Variants in GLI3 observed in about 807,000 individuals in gnomAD.
GLI3 encodes transcription activator GLI3.
In GLI3, 20 loss-of-function variants were observed where a neutral mutation model predicts 100.8. The observed-to-expected ratio is 0.20, with a 90% CI of 0.14 to 0.29. The LOEUF (loss-of-function observed/expected upper bound fraction) is 0.29, where lower values mean the gene tolerates loss of function less well. Ranked by LOEUF, GLI3 falls within the 10% of genes least tolerant of loss-of-function variation. The pLI, the probability that GLI3 is intolerant of heterozygous loss-of-function variation, is 1.00. For missense variants in GLI3, 2,040 were observed against 2,128.5 expected, an observed-to-expected ratio of 0.96 and a Z score of 0.82; for synonymous variants, 938 against 860.5, an observed-to-expected ratio of 1.09 and a Z score of -1.58.
At chr7:42,084,901 C>CTTTTTTTTTTT (rs747166719) in intron 3 of GLI3, among the ~76,000 whole-genome samples, 31 of 47,514 alleles carry the variant, frequency 6.5e-4, no homozygotes, top group Non-Finnish European at 7.7e-4. Flanking sequence ...CATTTGGATT[C>CTTTTTTTTTTT]TTTTTTTTTT....
At chr7:42,035,625 T>C (rs751527577) in intron 7 of GLI3, among the ~76,000 whole-genome samples, 3 of 152,236 alleles carry the variant, frequency 2.0e-5, no homozygotes, top group Non-Finnish European at 4.4e-5. Context: ...TGATACCCAG[T>C]GGGTTAGAAA....
chr7:42,115,456 G>A (rs549688841), intron 3 of GLI3, among the ~76,000 whole-genome samples: 9 of 152,094 alleles, frequency 5.9e-5, no homozygotes, highest in East Asian at 1.9e-4. Flanking sequence ...CTACATTTTC[G>A]GAAACTTCAA....
chr7:42,215,781 A>G (rs1788364422), intron 2 of GLI3, among the ~76,000 whole-genome samples: 2 of 152,212 alleles, frequency 1.3e-5, no homozygotes, highest in East Asian at 3.9e-4. Flanking sequence ...TTTCAGGACC[A>G]GTGATTTAAG....
chr7:42,113,744 C>T (rs6463090), intron 3 of GLI3: 68,437 of 576,702 alleles, frequency 0.12, 6,827 homozygotes, highest in African/African-American at 0.41. Context: ...TGTTAGCACA[C>T]AGAACACTTC....
intron 2 of GLI3, among the ~76,000 whole-genome samples, chr7:42,161,603 C>T (rs1472740672): frequency 6.6e-6 from 1 of 152,154 alleles, no homozygotes; most frequent in Non-Finnish European, 1.5e-5. Flanking sequence ...AGGCAGACAG[C>T]AATATCATCC....
intron 2 of GLI3, among the ~76,000 whole-genome samples, chr7:42,196,576 A>T (rs1373129743): frequency 2.6e-5 from 4 of 152,222 alleles, no homozygotes; most frequent in African/African-American, 9.6e-5. Flanking sequence ...ATAGATTTTT[A>T]AAGAGGTCAC....
chr7:41,969,000 C>A (rs955442531), intron 13 of GLI3, among the ~76,000 whole-genome samples: 2 of 152,208 alleles, frequency 1.3e-5, no homozygotes, highest in African/African-American at 4.8e-5. Flanking sequence ...ACTGCCTCCT[C>A]TCGCTCCCAG....
chr7:42,059,184 T>C (rs1719252959), intron 4 of GLI3, among the ~76,000 whole-genome samples: 1 of 152,174 alleles, frequency 6.6e-6, no homozygotes, highest in African/African-American at 2.4e-5. Context: ...TTAAATAACA[T>C]ATGTTTTAAA....
chr7:41,974,881 A>G (rs1426999402), intron 12 of GLI3, among the ~76,000 whole-genome samples: 1 of 152,242 alleles, frequency 6.6e-6, no homozygotes, highest in African/African-American at 2.4e-5. Context: ...TCATGCACCT[A>G]AGCATGGCAG....
rs1432655421 is a variant in GLI3, at chr7:41,972,992, T to C, written c.1813-365A>G. ...ATGATGATGATGATGACGATGACTA[T>C]GAAGATGGCTTAAAAGACACCCATC... On this transcript the variant is annotated intron_variant, in intron 12 of 14. Coordinates refer to ENST00000395925, the MANE Select transcript of GLI3 (RefSeq NM_000168.6). This position sits in a 1 kb window ranked among gnomAD's most constrained non-coding sequence, Gnocchi z 4.4. 6.6e-6 allele frequency among the ~76,000 whole-genome samples: 1 copy of C among 152,156 alleles called. No homozygotes were observed. Among genetic ancestry groups the C allele is most frequent in the Non-Finnish European group, 1.5e-5 (1 of 68,036 alleles).
At chr7:42,224,852 T>C (rs573971805) in intron 1 of GLI3, among the ~76,000 whole-genome samples, 35 of 152,242 alleles carry the variant, frequency 2.3e-4, no homozygotes, top group Non-Finnish European at 4.1e-4. Context: ...CTCAGTGATC[T>C]CATCTGTCAA....
rs373499688 is a variant in GLI3 at position 42,205,196 on chromosome 7, C to A, written c.124+17934G>T. ...TATAAGAATCCACCTCATACATACG[C>A]ATCCTAGCAACATACCATGTACGGA... is the stretch of plus-strand genomic sequence containing the variant. On this transcript the variant is annotated intron_variant, in intron 2 of 14. Coordinates refer to ENST00000395925, the MANE Select transcript of GLI3 (RefSeq NM_000168.6). 3.3e-5 allele frequency among the ~76,000 whole-genome samples: 5 copies of A among 152,300 alleles called. No homozygotes were observed. In the East Asian group the frequency reaches 9.6e-4, roughly 29 times the overall value.
intron 2 of GLI3, among the ~76,000 whole-genome samples, chr7:42,189,009 G>T (rs973234087): frequency 3.9e-5 from 6 of 152,058 alleles, no homozygotes; most frequent in Non-Finnish European, 7.4e-5. Flanking sequence ...GTGATAATGC[G>T]ATGTCCATGT....
rs1477326185 is a variant in GLI3, at chr7:41,962,812, A to G, written c.*1518T>C. ...TTGAATTATCAATCACTTGCAGTAA[A>G]TCCAATTCCAGGGGTCAATGGGACA... On this transcript the variant is annotated 3_prime_UTR_variant, in exon 15 of 15. Transcript: ENST00000395925. 6.6e-6 allele frequency: 1 copy of G among 152,208 alleles called. No individual in the cohort carries two copies. Among genetic ancestry groups the G allele is most frequent in the African/African-American group, 2.4e-5 (1 of 41,456 alleles). The allele number at this position is 152,208 out of a possible 1,614,324, so 9.4% of individuals were successfully genotyped here. A position where few individuals can be genotyped will look rare whatever the true frequency, so the allele number is the denominator to read the frequency against.
rs113493574 is a variant in GLI3, at chr7:42,169,186, C to G, written c.125-20718G>C. On this transcript the variant is annotated intron_variant, in intron 2 of 14. Coordinates refer to ENST00000395925, the MANE Select transcript of GLI3 (RefSeq NM_000168.6). The stretch of plus-strand genomic sequence containing the variant: ...TCTGCTTCAGATCTGTCTCTGTGCA[C>G]CCATTCACAAGCACCATTATTTTTC... Among the ~76,000 whole-genome samples the G allele has an allele frequency of 9.1e-4, 138 of 152,244 alleles. 2 individuals are homozygous for G. The highest frequency in any genetic ancestry group is 3.2e-3 in the African/African-American group (134 of 41,540).
chr7:42,026,459 C>T (rs767297010), intron 7 of GLI3, 47 bp from the exon 8 acceptor site: 1 of 1,378,388 alleles, frequency 7.3e-7, no homozygotes, highest in Admixed American at 1.7e-5. Flanking sequence ...AAACGCTGAG[C>T]TCAGACAAGT....
chr7:42,125,326 CA>C (rs1786099139), intron 3 of GLI3, among the ~76,000 whole-genome samples: 2 of 152,160 alleles, frequency 1.3e-5, no homozygotes, highest in Admixed American at 1.3e-4. Flanking sequence ...CCTCAAGGAG[CA>C]CTGTAATGAG....
chr7:42,066,094 G>T (rs1290344895), intron 4 of GLI3, among the ~76,000 whole-genome samples: 1 of 152,178 alleles, frequency 6.6e-6, no homozygotes, highest in African/African-American at 2.4e-5. Context: ...TGTAATTCAT[G>T]CAGAAAAGCG....
chr7:42,074,828 A>G (rs1784847510), intron 4 of GLI3, among the ~76,000 whole-genome samples: 3 of 152,178 alleles, frequency 2.0e-5, no homozygotes, highest in South Asian at 4.2e-4. Context: ...TCAGCTTTAC[A>G]TCATCAATCT....
Sources: gnomAD v4.1 joint callset for allele counts (sites outside exome capture counted in the v4.1 genomes callset) on GRCh38, gnomAD v4.1.1 for gene constraint, Gnocchi (gnomAD v3.1) non-coding constraint, MANE v1.5 for transcripts, NCBI Gene and HGNC (gene_info 2026-07-23, HGNC 2026-07-21) for gene names.